Variants in PIK3R5 observed in about 807,000 individuals in gnomAD.
PIK3R5 encodes the protein phosphoinositide 3-kinase regulatory subunit 5.
A neutral mutation model predicts 94.9 loss-of-function variants in PIK3R5; 32 were observed. The ratio of observed to expected loss-of-function variants is 0.34; its 90% CI spans 0.25 to 0.45. PIK3R5 has a LOEUF of 0.45. Among genes scored for constraint, PIK3R5 ranks in the 20% least tolerant of loss-of-function variants. The probability of loss-of-function intolerance (pLI) is 1.00; values close to 1 mark genes in which losing one functional copy is unlikely to be tolerated. For missense variants in PIK3R5, 853 were observed against 1,144.6 expected (o/e 0.75, Z 3.68); for synonymous variants, 443 against 479.4 (o/e 0.92, Z 0.99).
intron 14 of PIK3R5, among the ~76,000 whole-genome samples, chr17:8,885,747 C>T: frequency 9.8e-6 from 1 of 102,278 alleles, no homozygotes; most frequent in Non-Finnish European, 1.9e-5. Flanking sequence ...CCCATGGCCC[C>T]ACCTCCTGGG....
intron 1 of PIK3R5, among the ~76,000 whole-genome samples, chr17:8,948,743 A>T (rs536598293): frequency 2.0e-5 from 3 of 152,334 alleles, no homozygotes; most frequent in Non-Finnish European, 2.9e-5. Flanking sequence ...CAACATACCC[A>T]GTGGAAGATG....
Position 8,890,018 on chromosome 17 carries a change from T to G in PIK3R5, c.766A>C (p.Lys256Gln). The G allele has an allele frequency of 6.2e-7, 1 of 1,613,962 alleles. No individual in the cohort carries two copies. Among genetic ancestry groups the G allele is most frequent in the Non-Finnish European group, 8.5e-7 (1 of 1,179,984 alleles). ...GCTTTTTCTCCCACCGCCTGCAGCT[T>G]GGTCCTGAGCCACCGCCGGGCCTCT... ...AAEARRWLRT[K>Q]LQAVGEKAGF... The change falls in exon 8 of 19, where the codon AAG (lysine) becomes CAG (glutamine). Residue 256 changes from lysine to glutamine, a missense_variant. Transcript: ENST00000447110. The surrounding 1 kb of genome is among the most constrained non-coding windows in gnomAD (Gnocchi z 6.1).
chr17:8,925,440 ATAG>A lies in PIK3R5; in HGVS notation c.-13-13936_-13-13934del, dbSNP rs555862379. On this transcript the variant is annotated intron_variant, in intron 1 of 18. Coordinates refer to ENST00000447110, the MANE Select transcript of PIK3R5 (RefSeq NM_001142633.3). The surrounding 1 kb of genome is among the most constrained non-coding windows in gnomAD (Gnocchi z 5.1). ...AGGTAGATAGTAGATGGAGAGATAGATAGTAGATGGATAGATAGTAGATGGATG... is the reference window on the plus strand; with the variant it reads ...AGGTAGATAGTAGATGGAGAGATAGATAGATGGATAGATAGTAGATGGATG... Among the ~76,000 whole-genome samples, 1,203 of 136,452 alleles carry A rather than the reference ATAG, an allele frequency of 8.8e-3. 20 individuals carry two copies. The highest frequency in any genetic ancestry group is 0.028 in the African/African-American group (1,149 of 40,320). The allele number at this position is 136,452 out of a possible 152,430, so 89.5% of individuals were successfully genotyped here.
intron 15 of PIK3R5, among the ~76,000 whole-genome samples, chr17:8,883,423 A>T (rs2089730805): frequency 6.6e-6 from 1 of 152,228 alleles, no homozygotes; most frequent in Non-Finnish European, 1.5e-5. Flanking sequence ...GGCTCTTGGT[A>T]TGCTGGTCCC....
intron 1 of PIK3R5, among the ~76,000 whole-genome samples, chr17:8,947,888 A>G (rs1186229111): frequency 6.6e-6 from 1 of 151,820 alleles, no homozygotes; most frequent in Non-Finnish European, 1.5e-5. Flanking sequence ...CTAAAAACAC[A>G]AAAAATTAGC....
intron 3 of PIK3R5, among the ~76,000 whole-genome samples, chr17:8,908,373 G>T (rs1404151160): frequency 6.6e-6 from 1 of 152,120 alleles, no homozygotes; most frequent in African/African-American, 2.4e-5. Context: ...TCCAGAGGTG[G>T]TTCAGCTCTT....
chr17:8,888,796 C>G lies in PIK3R5; in HGVS notation c.991G>C (p.Glu331Gln). The change falls in exon 10 of 19, where the codon GAG (glutamate) becomes CAG (glutamine). Residue 331 changes from glutamate (E) to glutamine (Q), a missense_variant. This residue lies in a region of PIK3R5 where 161 missense variants were observed against 249.5 expected (regional missense o/e 0.65). Transcript: ENST00000447110. The surrounding 1 kb of genome is among the most constrained non-coding windows in gnomAD (Gnocchi z 7.8). Reference protein sequence around the residue: ...EEEEEEEEEVEEDLETDGHCA... With the variant: ...EEEEEEEEEVQEDLETDGHCA... ...TGCCCGTCAGTTTCCAAGTCCTCCTCCACCTCCTCCTCCTCCTCTTCCTCC... is the reference window on the plus strand; with the variant it reads ...TGCCCGTCAGTTTCCAAGTCCTCCTGCACCTCCTCCTCCTCCTCTTCCTCC... 6.2e-7 allele frequency: 1 copy of G among 1,612,034 alleles called. No individual in the cohort carries two copies.
At position 8,881,162 on chromosome 17, in the gene PIK3R5, C is replaced by A. The variant is rs2089647963; in HGVS notation, c.2383-145G>T. Reference sequence around the variant, plus strand: ...TCTGACTGCGCTCCAGGGTTAATGGCCAGGTCACAGGAGGGAGCCTGAGGC... The same window carrying A: ...TCTGACTGCGCTCCAGGGTTAATGGACAGGTCACAGGAGGGAGCCTGAGGC... On this transcript the variant is annotated intron_variant, in intron 17 of 18. Coordinates refer to ENST00000447110, the MANE Select transcript of PIK3R5 (RefSeq NM_001142633.3). The surrounding 1 kb of genome is among the most constrained non-coding windows in gnomAD (Gnocchi z 4.8). 7.4e-6 allele frequency: 5 copies of A among 673,906 alleles called. No individual in the cohort carries two copies. The highest frequency in any genetic ancestry group is 1.1e-5 in the Non-Finnish European group (4 of 373,962). 41.7% of individuals were successfully genotyped at this position (673,906 alleles called of 1,614,324 possible). A position where few individuals can be genotyped will look rare whatever the true frequency, so the allele number is the denominator to read the frequency against.
At chr17:8,902,444 G>A (rs1330526785) in intron 5 of PIK3R5, among the ~76,000 whole-genome samples, 3 of 151,500 alleles carry the variant, frequency 2.0e-5, no homozygotes, top group Admixed American at 1.3e-4. Flanking sequence ...TAGTAGAGAC[G>A]GGTTTCACCA....
chr17:8,899,816 G>A (rs2090239354), intron 5 of PIK3R5, among the ~76,000 whole-genome samples: 1 of 152,108 alleles, frequency 6.6e-6, no homozygotes, highest in African/African-American at 2.4e-5. Context: ...GAGGTGGGCG[G>A]CTCACAAGGT....
rs755158979 is a variant in PIK3R5 at position 8,880,645 on chromosome 17, CAGAGCT to C, written c.2631_2636del (p.Ala878_Leu879del). ...GTCTGGCGCTGGGCCCACACTAGGG[CAGAGCT>C]CCACTGAAAGTCATGATGGGCAGGC... On this transcript the variant is annotated inframe_deletion, in exon 19 of 19. Coordinates refer to ENST00000447110, the MANE Select transcript of PIK3R5 (RefSeq NM_001142633.3). 1 of 1,607,476 alleles carries C rather than the reference CAGAGCT, an allele frequency of 6.2e-7. No individual in the cohort carries two copies. Among genetic ancestry groups the C allele is most frequent in the Non-Finnish European group, 8.5e-7 (1 of 1,177,088 alleles).
chr17:8,947,565 C>G (rs2091296625), intron 1 of PIK3R5, among the ~76,000 whole-genome samples: 1 of 151,932 alleles, frequency 6.6e-6, no homozygotes, highest in Non-Finnish European at 1.5e-5. Context: ...GGTGGCTTAA[C>G]AGGGAAAGAA....
intron 1 of PIK3R5, among the ~76,000 whole-genome samples, chr17:8,961,179 A>C (rs2091556860): frequency 6.6e-6 from 1 of 152,200 alleles, no homozygotes; most frequent in African/African-American, 2.4e-5. Context: ...AGGCAGGCAG[A>C]GGCAGGGAAG....
intron 3 of PIK3R5, among the ~76,000 whole-genome samples, chr17:8,908,706 G>A (rs944647759): frequency 2.0e-4 from 31 of 152,092 alleles, no homozygotes; most frequent in African/African-American, 7.5e-4. Flanking sequence ...TGAACTAAGA[G>A]AGGAGGCCTC....
At chr17:8,934,689 T>G (rs949093840) in intron 1 of PIK3R5, among the ~76,000 whole-genome samples, 3 of 152,242 alleles carry the variant, frequency 2.0e-5, no homozygotes, top group Non-Finnish European at 4.4e-5. Flanking sequence ...CAAGACAATC[T>G]GGTACTGACG....
rs113655932 is a variant in PIK3R5, at chr17:8,928,820, T to G, written c.-13-17313A>C. Among the ~76,000 whole-genome samples the G allele has an allele frequency of 2.6e-3, 402 of 152,232 alleles. 4 individuals carry two copies. The highest frequency in any genetic ancestry group is 9.1e-3 in the African/African-American group (379 of 41,550). ...GAAATCTTGGAACATCAGGAAGAAATAATAAGAAAGGGAAAAATCTGGGTA... is the reference window on the plus strand; with the variant it reads ...GAAATCTTGGAACATCAGGAAGAAAGAATAAGAAAGGGAAAAATCTGGGTA... On this transcript the variant is annotated intron_variant, in intron 1 of 18. Coordinates refer to ENST00000447110, the MANE Select transcript of PIK3R5 (RefSeq NM_001142633.3).
Position 8,886,459 on chromosome 17 carries a change from G to A in PIK3R5, c.2034+18C>T, listed in dbSNP as rs984247821. On this transcript the variant is annotated intron_variant, in intron 13 of 18. Coordinates refer to ENST00000447110, the MANE Select transcript of PIK3R5 (RefSeq NM_001142633.3). The stretch of plus-strand genomic sequence containing the variant: ...CCGGCAGGTGGGGAAGAGGCGGTTC[G>A]GGGCAGGGAGGCCTTACCTCGGTCT... 2.5e-6 allele frequency: 4 copies of A among 1,596,708 alleles called. No individual in the cohort carries two copies. In the East Asian group the frequency reaches 8.9e-5, roughly 36 times the overall value.
In PIK3R5 at chr17:8,893,444, C is replaced by A; in HGVS notation, c.482+142G>T. 2.9e-6 allele frequency: 2 copies of A among 681,328 alleles called. No homozygotes were observed. The highest frequency in any genetic ancestry group is 2.6e-5 in the East Asian group (1 of 38,168). The allele number at this position is 681,328 out of a possible 1,614,324, so 42.2% of individuals were successfully genotyped here. On this transcript the variant is annotated intron_variant, in intron 6 of 18. Coordinates refer to ENST00000447110, the MANE Select transcript of PIK3R5 (RefSeq NM_001142633.3). This position sits in a 1 kb window ranked among gnomAD's most constrained non-coding sequence, Gnocchi z 5.1. The stretch of plus-strand genomic sequence containing the variant: ...GCAGTGCCAGGGGGTTCCCAGTTCC[C>A]TGGAAGCCTGTTTGTTGCTGGCTGG...
At chr17:8,961,018 G>A (rs563204183) in intron 1 of PIK3R5, among the ~76,000 whole-genome samples, 11 of 152,292 alleles carry the variant, frequency 7.2e-5, no homozygotes, top group African/African-American at 2.4e-4. Context: ...CCCCCTGTAG[G>A]CCTGGGCGGT....
Sources: allele counts gnomAD v4.1 joint callset (sites outside exome capture counted in the v4.1 genomes callset), GRCh38; gene constraint gnomAD v4.1.1; regional missense constraint gnomAD v4.1.1; non-coding constraint Gnocchi (gnomAD v3.1); transcripts MANE v1.5; gene names NCBI Gene and HGNC (gene_info 2026-07-23, HGNC 2026-07-21).